Variants in SLC35F1 observed in about 807,000 individuals in gnomAD.
SLC35F1 encodes solute carrier family 35 member F1, also known as chromosome 6 open reading frame 169.
In SLC35F1, 14 loss-of-function variants were observed where a neutral mutation model predicts 48.7. The observed-to-expected ratio is 0.29, with a 90% CI of 0.19 to 0.45. SLC35F1 has a LOEUF of 0.45. SLC35F1 is among the 20% of genes least tolerant of loss of function. The pLI, the probability that SLC35F1 is intolerant of heterozygous loss-of-function variation, is 1.00. For missense variants in SLC35F1, 404 were observed against 500.0 expected, an observed-to-expected ratio of 0.81 and a Z score of 1.83; for synonymous variants, 190 against 202.2, an observed-to-expected ratio of 0.94 and a Z score of 0.51.
intron 1 of SLC35F1, among the ~76,000 whole-genome samples, chr6:118,001,650 A>G (rs1484703615): frequency 2.6e-5 from 4 of 152,146 alleles, no homozygotes; most frequent in Non-Finnish European, 4.4e-5. Flanking sequence ...AACTACCATC[A>G]GAGTGAACAG....
At chr6:118,163,274 A>C (rs1228025031) in intron 2 of SLC35F1, among the ~76,000 whole-genome samples, 2 of 152,070 alleles carry the variant, frequency 1.3e-5, no homozygotes, top group African/African-American at 2.4e-5. Flanking sequence ...AATGTGTATG[A>C]ATCTTAAAGA....
chr6:118,101,347 G>A (rs1217013809), intron 1 of SLC35F1, among the ~76,000 whole-genome samples: 1 of 152,210 alleles, frequency 6.6e-6, no homozygotes, highest in East Asian at 1.9e-4. Context: ...CAGGGAGGGA[G>A]TGAGGATCTG....
At chr6:117,997,096 A>G (rs1458938625) in intron 1 of SLC35F1, among the ~76,000 whole-genome samples, 1 of 152,188 alleles carries the variant, frequency 6.6e-6, no homozygotes, top group Non-Finnish European at 1.5e-5. Context: ...GATGGAGCTG[A>G]AAGCCAAGGC....
intron 1 of SLC35F1, among the ~76,000 whole-genome samples, chr6:117,914,189 G>T (rs1401927498): frequency 1.3e-5 from 2 of 150,110 alleles, no homozygotes; most frequent in East Asian, 1.9e-4. Flanking sequence ...TATATATATA[G>T]AGAGAGTTTC....
intron 2 of SLC35F1, among the ~76,000 whole-genome samples, chr6:118,155,418 A>G (rs1330626979): frequency 6.6e-6 from 1 of 152,204 alleles, no homozygotes; most frequent in Admixed American, 6.5e-5. Flanking sequence ...TAATGCCATT[A>G]TCATGGGATT....
At chr6:118,137,802 C>T (rs578000958) in intron 1 of SLC35F1, among the ~76,000 whole-genome samples, 11 of 152,242 alleles carry the variant, frequency 7.2e-5, no homozygotes. Flanking sequence ...GGATCTAGGT[C>T]CCTATCATTT....
chr6:117,939,370 C>G (rs145127697), intron 1 of SLC35F1, among the ~76,000 whole-genome samples: 109 of 152,330 alleles, frequency 7.2e-4, no homozygotes, highest in African/African-American at 2.6e-3. Flanking sequence ...AGATCTGAGT[C>G]TGACTTCACC....
At chr6:118,132,885 T>G (rs1209860792) in intron 1 of SLC35F1, among the ~76,000 whole-genome samples, 3 of 152,182 alleles carry the variant, frequency 2.0e-5, no homozygotes, top group African/African-American at 7.2e-5. Flanking sequence ...GCTGTCTCCT[T>G]CGTATCAACA....
chr6:117,923,844 A>G (rs961876181), intron 1 of SLC35F1, among the ~76,000 whole-genome samples: 4 of 96,240 alleles, frequency 4.2e-5, no homozygotes, highest in African/African-American at 5.2e-5. Flanking sequence ...CACATTACAT[A>G]TATGCACATA....
intron 1 of SLC35F1, among the ~76,000 whole-genome samples, chr6:118,024,063 A>G (rs1293048302): frequency 6.6e-6 from 1 of 152,198 alleles, no homozygotes; most frequent in African/African-American, 2.4e-5. Context: ...CACTGTAGTT[A>G]CTATACTCGG....
intron 2 of SLC35F1, among the ~76,000 whole-genome samples, chr6:118,217,020 A>G (rs1775084696): frequency 6.6e-6 from 1 of 152,174 alleles, no homozygotes; most frequent in African/African-American, 2.4e-5. Flanking sequence ...GTGGATGACT[A>G]CAAAGAAGAA....
chr6:118,205,177 T>C (rs1282893430), intron 2 of SLC35F1, among the ~76,000 whole-genome samples: 2 of 152,156 alleles, frequency 1.3e-5, no homozygotes, highest in Non-Finnish European at 2.9e-5. Flanking sequence ...ATTGCAAACC[T>C]GTGTGTGGGA....
intron 1 of SLC35F1, among the ~76,000 whole-genome samples, chr6:117,917,314 G>A (rs926391521): frequency 6.6e-6 from 1 of 152,004 alleles, no homozygotes; most frequent in Non-Finnish European, 1.5e-5. Context: ...TAAGTGGGCT[G>A]GGGAACAAGT....
intron 2 of SLC35F1, among the ~76,000 whole-genome samples, chr6:118,171,576 C>G (rs1774404714): frequency 6.6e-6 from 1 of 152,124 alleles, no homozygotes; most frequent in East Asian, 1.9e-4. Flanking sequence ...AAGAACATTA[C>G]CAATTCAAAA....
chr6:118,305,756 T>TAC (rs1028256722), intron 7 of SLC35F1, among the ~76,000 whole-genome samples: 2 of 152,198 alleles, frequency 1.3e-5, no homozygotes, highest in African/African-American at 4.8e-5. Flanking sequence ...TTGCTATATA[T>TAC]ACACACACAG....
chr6:118,110,502 G>A (rs530795747), intron 1 of SLC35F1, among the ~76,000 whole-genome samples: 2 of 152,260 alleles, frequency 1.3e-5, no homozygotes, highest in East Asian at 3.9e-4. Flanking sequence ...AGCTCTAACA[G>A]TTTCTGCTAA....
intron 1 of SLC35F1, among the ~76,000 whole-genome samples, chr6:118,003,049 C>T (rs771455216): frequency 6.6e-6 from 1 of 152,258 alleles, no homozygotes; most frequent in South Asian, 2.1e-4. Context: ...ATAGCATATA[C>T]ATATATTGCA....
chr6:118,284,376 C>A (rs1268012962), intron 6 of SLC35F1, among the ~76,000 whole-genome samples: 1 of 151,654 alleles, frequency 6.6e-6, no homozygotes, highest in Non-Finnish European at 1.5e-5. Flanking sequence ...TGCATTGTAT[C>A]AACATTTGGG....
intron 7 of SLC35F1, among the ~76,000 whole-genome samples, chr6:118,313,152 A>G (rs1369979956): frequency 6.6e-6 from 1 of 152,198 alleles, no homozygotes; most frequent in Non-Finnish European, 1.5e-5. Flanking sequence ...GAAACTATTC[A>G]TTTAGTGAAG....
Sources: gnomAD v4.1 joint callset for allele counts (sites outside exome capture counted in the v4.1 genomes callset) on GRCh38, gnomAD v4.1.1 for gene constraint, MANE v1.5 for transcripts, NCBI Gene and HGNC (gene_info 2026-07-23, HGNC 2026-07-21) for gene names.